The following RNF175 variants were observed in gnomAD, a reference collection of about 807,000 sequenced individuals.
The protein encoded by RNF175 is ring finger protein 175.
Under a neutral mutation model 50.0 loss-of-function variants are expected in RNF175, and 38 were observed. That is an observed-to-expected ratio of 0.76 (90% CI 0.59 to 1.00). The LOEUF (loss-of-function observed/expected upper bound fraction) is 1.00, where lower values mean the gene tolerates loss of function less well. Among genes scored for constraint, RNF175 ranks in the 50% least tolerant of loss-of-function variants. The pLI, the probability that RNF175 is intolerant of heterozygous loss-of-function variation, is 0.00. For synonymous variants in RNF175, 155 were observed against 146.1 expected, an observed-to-expected ratio of 1.06 and a Z score of -0.44; for missense variants, 388 against 409.6, an observed-to-expected ratio of 0.95 and a Z score of 0.46.
At chr4:153,716,920 C>T (rs992390089) in intron 6 of RNF175, among the ~76,000 whole-genome samples, 2 of 152,176 alleles carry the variant, frequency 1.3e-5, no homozygotes, top group Non-Finnish European at 2.9e-5. Flanking sequence ...ATCATATCTG[C>T]AAAATACCTT....
chr4:153,722,643 C>G (rs1411017031), intron 5 of RNF175, among the ~76,000 whole-genome samples: 1 of 151,954 alleles, frequency 6.6e-6, no homozygotes, highest in African/African-American at 2.4e-5. Flanking sequence ...CCTCCTTTTC[C>G]AAGTATCCCC....
chr4:153,727,846 T>A (rs1193817219), intron 4 of RNF175: 2 of 155,882 alleles, frequency 1.3e-5, no homozygotes, highest in Non-Finnish European at 1.4e-5. Flanking sequence ...TTTCAACTCT[T>A]GCTCTATTTT....
rs541515454 is a variant in RNF175, at chr4:153,717,725, T to C, written c.631-2063A>G. ...CTTATGACACAGTTTCTTTTGTTTT[T>C]AGTCTTATGATCTCCATTCATTTCA... On this transcript the variant is annotated intron_variant, in intron 6 of 8. Transcript: ENST00000347063. 2.0e-5 allele frequency among the ~76,000 whole-genome samples: 3 copies of C among 152,322 alleles called. No homozygotes were observed. In the South Asian group the frequency reaches 6.2e-4, roughly 32 times the overall value.
chr4:153,727,059 G>A (rs1738740149), intron 4 of RNF175, among the ~76,000 whole-genome samples: 2 of 152,308 alleles, frequency 1.3e-5, no homozygotes, highest in African/African-American at 4.8e-5. Context: ...ACAGTGGATA[G>A]GCGAACCATT....
chr4:153,710,236 A>G lies in RNF175; in HGVS notation c.*133T>C, dbSNP rs1737469800. 1.5e-6 allele frequency: 1 copy of G among 648,488 alleles called. No individual in the cohort carries two copies. The highest frequency in any genetic ancestry group is 1.8e-5 in the African/African-American group (1 of 55,264). 40.2% of individuals were successfully genotyped at this position (648,488 alleles called of 1,614,324 possible). ...TTCTCTTTAAATTCTTTCCACATGG[A>G]CAAATTGCTTGACAACAAAGTTTAC... On this transcript the variant is annotated 3_prime_UTR_variant, in exon 9 of 9. Coordinates refer to ENST00000347063, the MANE Select transcript of RNF175 (RefSeq NM_173662.4).
At chr4:153,725,858 A>G (rs1738665129) in intron 4 of RNF175, among the ~76,000 whole-genome samples, 1 of 152,214 alleles carries the variant, frequency 6.6e-6, no homozygotes, top group Non-Finnish European at 1.5e-5. Flanking sequence ...CCAAATCTCA[A>G]GCCCCACTTC....
chr4:153,747,434 T>G (rs1740034529), intron 3 of RNF175, among the ~76,000 whole-genome samples: 6 of 152,232 alleles, frequency 3.9e-5, no homozygotes, highest in Admixed American at 2.6e-4. Flanking sequence ...AACTCTGCCT[T>G]CCATAAAGCC....
chr4:153,750,480 G>C (rs1206885130), intron 2 of RNF175, among the ~76,000 whole-genome samples: 4 of 152,198 alleles, frequency 2.6e-5, no homozygotes, highest in African/African-American at 9.7e-5. Context: ...TTCTTTGAGA[G>C]GGATTCTCAG....
intron 5 of RNF175, among the ~76,000 whole-genome samples, chr4:153,721,070 T>A (rs555297163): frequency 6.6e-6 from 1 of 152,134 alleles, no homozygotes; most frequent in African/African-American, 2.4e-5. Context: ...CATGCCAGAG[T>A]TGCTATGTAT....
intron 3 of RNF175, among the ~76,000 whole-genome samples, chr4:153,730,582 A>T (rs1336860573): frequency 6.6e-6 from 1 of 152,246 alleles, no homozygotes; most frequent in East Asian, 1.9e-4. Flanking sequence ...AAGGAAATGG[A>T]CATGAACTTC....
At chr4:153,720,387 G>A (rs560744406) in intron 5 of RNF175, 83 bp from the exon 6 acceptor site, 2 of 1,107,446 alleles carry the variant, frequency 1.8e-6, no homozygotes, top group East Asian at 2.4e-5. Context: ...CCTGTTGATG[G>A]TATCTAAGAG....
At chr4:153,759,731 C>T (rs1371470162) in intron 1 of RNF175, 66 bp downstream of exon 1, 14 of 1,111,314 alleles carry the variant, frequency 1.3e-5, no homozygotes, top group South Asian at 4.8e-5. Context: ...GCAGCCTGCC[C>T]GGCACCAGCG....
chr4:153,748,738 C>A lies in RNF175; in HGVS notation c.153G>T (p.Met51Ile), dbSNP rs1740121362. 6.2e-7 allele frequency: 1 copy of A among 1,611,702 alleles called. No homozygotes were observed. Among genetic ancestry groups the A allele is most frequent in the Non-Finnish European group, 8.5e-7 (1 of 1,178,976 alleles). ...MYKMHRGHDS[M>I]HVEMILIFLC... ...GGAAGATCAAGATCATTTCCACGTG[C>A]ATGGAATCGTGGCCCCGGTGCATCT... Residue 51 changes from methionine to isoleucine, a missense_variant, in exon 3 of 9, where the codon ATG becomes ATT. Coordinates refer to ENST00000347063, the MANE Select transcript of RNF175 (RefSeq NM_173662.4).
At chr4:153,745,882 C>T (rs1350836465) in intron 3 of RNF175, among the ~76,000 whole-genome samples, 1 of 152,240 alleles carries the variant, frequency 6.6e-6, no homozygotes, top group Non-Finnish European at 1.5e-5. Context: ...GGCCCCACCT[C>T]CCAACACTGT....
chr4:153,744,825 G>C (rs953946685), intron 3 of RNF175, among the ~76,000 whole-genome samples: 6 of 152,156 alleles, frequency 3.9e-5, no homozygotes, highest in African/African-American at 1.4e-4. Context: ...GCAATATAAA[G>C]AGTGTTTATT....
intron 3 of RNF175, among the ~76,000 whole-genome samples, chr4:153,734,098 C>G (rs1310512591): frequency 3.3e-5 from 5 of 151,990 alleles, no homozygotes; most frequent in Non-Finnish European, 7.4e-5. Flanking sequence ...TTTATTTATC[C>G]AGCTTTTAAA....
intron 8 of RNF175, 144 bp downstream of exon 8, chr4:153,712,331 A>G (rs1326464367): frequency 1.1e-5 from 7 of 609,020 alleles, no homozygotes; most frequent in Admixed American, 2.8e-5. Flanking sequence ...AAAAGAGACC[A>G]TAAGTCATTT....
At chr4:153,754,198 G>A (rs1002153915) in intron 1 of RNF175, among the ~76,000 whole-genome samples, 50 of 151,380 alleles carry the variant, frequency 3.3e-4, no homozygotes, top group African/African-American at 1.2e-3. Flanking sequence ...ATGAAAGTCT[G>A]GTAACTGATT....
chr4:153,731,628 G>T (rs992060102), intron 3 of RNF175, among the ~76,000 whole-genome samples: 16 of 151,300 alleles, frequency 1.1e-4, no homozygotes, highest in African/African-American at 3.4e-4. Flanking sequence ...TGATGAATGG[G>T]CCATGCAATA....
Sources: allele counts gnomAD v4.1 joint callset (sites outside exome capture counted in the v4.1 genomes callset), GRCh38; gene constraint gnomAD v4.1.1; transcripts MANE v1.5; gene names NCBI Gene and HGNC (gene_info 2026-07-23, HGNC 2026-07-21).